The following LGI2 variants were observed in gnomAD, a reference collection of about 807,000 sequenced individuals.
The protein encoded by LGI2 is leucine rich repeat LGI family member 2.
A neutral mutation model predicts 52.0 loss-of-function variants in LGI2; 30 were observed. The ratio of observed to expected loss-of-function variants is 0.58; its 90% CI spans 0.43 to 0.78. The LOEUF is 0.78. Ranked by LOEUF, LGI2 falls within the 30% of genes least tolerant of loss-of-function variation. LGI2 has a pLI of 0.00. For missense variants in LGI2, 573 were observed against 692.5 expected, an observed-to-expected ratio of 0.83 and a Z score of 1.94; for synonymous variants, 270 against 271.8, an observed-to-expected ratio of 0.99 and a Z score of 0.06.
intron 3 of LGI2, among the ~76,000 whole-genome samples, chr4:25,025,181 G>A (rs1726105734): frequency 6.6e-6 from 1 of 152,150 alleles, no homozygotes; most frequent in African/African-American, 2.4e-5. Context: ...AAAGAAGAAA[G>A]CACTATACAA....
intron 1 of LGI2, among the ~76,000 whole-genome samples, chr4:25,030,011 C>CA (rs1203686695): frequency 6.6e-6 from 1 of 152,192 alleles, no homozygotes; most frequent in African/African-American, 2.4e-5. Context: ...AGTGAGGCCT[C>CA]ACCCTGCCCA....
downstream of LGI2, among the ~76,000 whole-genome samples, chr4:24,996,137 A>G (rs969528982): frequency 6.6e-6 from 1 of 152,170 alleles, no homozygotes; most frequent in African/African-American, 2.4e-5. Flanking sequence ...TAGTATGACT[A>G]TTTGGTTTGG....
At chr4:25,020,118 C>T (rs1725909305) in intron 4 of LGI2, among the ~76,000 whole-genome samples, 2 of 152,216 alleles carry the variant, frequency 1.3e-5, no homozygotes, top group Non-Finnish European at 2.9e-5. Context: ...TACTCCTTTA[C>T]ATAAAGAGAC....
At chr4:24,994,912 A>C (rs950471583), downstream of LGI2, among the ~76,000 whole-genome samples, 13 of 152,318 alleles carry the variant, frequency 8.5e-5, no homozygotes, top group African/African-American at 3.1e-4. Flanking sequence ...GCAGCTTAGG[A>C]GACCTTATTG....
chr4:25,030,398 G>A lies in LGI2; in HGVS notation c.197+99C>T, dbSNP rs575964010. 2,690 of 1,313,692 alleles carry A rather than the reference G, an allele frequency of 2.0e-3. 5 individuals carry two copies. The highest frequency in any genetic ancestry group is 2.5e-3 in the Non-Finnish European group (2,346 of 949,888). The allele number at this position is 1,313,692 out of a possible 1,614,324, so 81.4% of individuals were successfully genotyped here. A position where few individuals can be genotyped will look rare whatever the true frequency, so the allele number is the denominator to read the frequency against. ...AGGCAAAGAAGGGGCCTGGGGAGTGGGTCAGGGTCGCGCTGGCCCGGCGCC... is the reference window on the plus strand; with the variant it reads ...AGGCAAAGAAGGGGCCTGGGGAGTGAGTCAGGGTCGCGCTGGCCCGGCGCC... On this transcript the variant is annotated intron_variant, in intron 1 of 7. Coordinates refer to ENST00000382114, the MANE Select transcript of LGI2 (RefSeq NM_018176.4).
At position 25,001,815 on chromosome 4, in the gene LGI2, G is replaced by A. The variant is rs1433815863; in HGVS notation, c.*1636C>T. On this transcript the variant is annotated 3_prime_UTR_variant, in exon 8 of 8. Coordinates refer to ENST00000382114, the MANE Select transcript of LGI2 (RefSeq NM_018176.4). ...ATTGTCTCAATCTTCATTGCTTAAAGTCAGGAAACAACAAACACATTCATA... is the reference window on the plus strand; with the variant it reads ...ATTGTCTCAATCTTCATTGCTTAAAATCAGGAAACAACAAACACATTCATA... 1 of 115,308 alleles carries A rather than the reference G, an allele frequency of 8.7e-6. No individual in the cohort carries two copies. The highest frequency in any genetic ancestry group is 1.8e-5 in the Non-Finnish European group (1 of 55,738). The allele number at this position is 115,308 out of a possible 1,614,324, so 7.1% of individuals were successfully genotyped here. A position where few individuals can be genotyped will look rare whatever the true frequency, so the allele number is the denominator to read the frequency against.
At chr4:25,016,563 A>G (rs1315417525) in intron 6 of LGI2, among the ~76,000 whole-genome samples, 1 of 152,336 alleles carries the variant, frequency 6.6e-6, no homozygotes, top group South Asian at 2.1e-4. Flanking sequence ...GCACCTGTCA[A>G]TTACACAGCT....
At chr4:25,011,480 C>G (rs1725585333) in intron 7 of LGI2, among the ~76,000 whole-genome samples, 1 of 152,062 alleles carries the variant, frequency 6.6e-6, no homozygotes, top group Admixed American at 6.5e-5. Context: ...GCTCTCCCTG[C>G]CTCCCCACAT....
chr4:25,030,247 A>T (rs1560296729), intron 1 of LGI2, among the ~76,000 whole-genome samples: 1 of 152,234 alleles, frequency 6.6e-6, no homozygotes, highest in Non-Finnish European at 1.5e-5. Flanking sequence ...AGTCTGATGC[A>T]GGTGGCCCGT....
chr4:25,011,387 G>T (rs542232933), intron 7 of LGI2, among the ~76,000 whole-genome samples: 3 of 152,226 alleles, frequency 2.0e-5, no homozygotes, highest in Admixed American at 1.3e-4. Flanking sequence ...CCCGACGGTG[G>T]CCAGCTCATC....
At chr4:25,021,863 T>A (rs4386590) in intron 4 of LGI2, among the ~76,000 whole-genome samples, 116,224 of 149,672 alleles carry the variant, frequency 0.78, 45,872 homozygotes, top group East Asian at 0.98. Context: ...CTCGCAAGGC[T>A]GAGGTTGCAG....
At chr4:24,994,094 G>A (rs561873779), downstream of LGI2, among the ~76,000 whole-genome samples, 1 of 152,240 alleles carries the variant, frequency 6.6e-6, no homozygotes, top group South Asian at 2.1e-4. Context: ...GTGAAAAGCT[G>A]ACAAAACAGC....
intron 6 of LGI2, among the ~76,000 whole-genome samples, chr4:25,016,481 CG>C (rs1315321677): frequency 7.2e-5 from 11 of 152,314 alleles, no homozygotes; most frequent in African/African-American, 2.6e-4. Flanking sequence ...TTATCGACTA[CG>C]ACCTCTGATT....
In LGI2 at chr4:25,023,942, TC is replaced by T. The variant is rs1277020497; in HGVS notation, c.413+877del. 2.0e-5 allele frequency among the ~76,000 whole-genome samples: 3 copies of T among 152,234 alleles called. No individual in the cohort carries two copies. In the East Asian group the frequency reaches 5.8e-4, roughly 29 times the overall value. ...TTTCAAATCAATTTCTTTAATTTTATCTCCAGAAAGCTCTTAAAGAAGCAGA... is the reference window on the plus strand; with the variant it reads ...TTTCAAATCAATTTCTTTAATTTTATTCCAGAAAGCTCTTAAAGAAGCAGA... On this transcript the variant is annotated intron_variant, in intron 4 of 7. Transcript: ENST00000382114.
chr4:24,995,871 G>A (rs1468538530), downstream of LGI2, among the ~76,000 whole-genome samples: 2 of 152,178 alleles, frequency 1.3e-5, no homozygotes, highest in East Asian at 3.9e-4. Context: ...CATGATTGTT[G>A]GAACATTTAG....
the LGI2 span, among the ~76,000 whole-genome samples, chr4:24,993,207 T>G: frequency 5.9e-4 from 90 of 152,320 alleles, no homozygotes; most frequent in African/African-American, 2.0e-3. Context: ...GATTATTGTT[T>G]TCTCTGTTTC....
intron 6 of LGI2, among the ~76,000 whole-genome samples, chr4:25,013,290 C>T (rs1299396389): frequency 6.6e-6 from 1 of 152,176 alleles, no homozygotes; most frequent in Admixed American, 6.5e-5. Flanking sequence ...GGCCTTGCTT[C>T]TCAGCCCACT....
intron 6 of LGI2, among the ~76,000 whole-genome samples, chr4:25,014,830 C>CAA (rs60168915): frequency 1.8e-3 from 154 of 85,674 alleles, no homozygotes; most frequent in Non-Finnish European, 2.5e-3. Context: ...GACCTTGTCT[C>CAA]AAAAAAAAAA....
At chr4:25,028,374 C>A in intron 2 of LGI2, 133 bp downstream of exon 2, 1 of 735,280 alleles carries the variant, frequency 1.4e-6, no homozygotes, top group Non-Finnish European at 2.3e-6. Context: ...TAAATTAACA[C>A]CAAGAGGCAG....
Sources: gnomAD v4.1 joint callset for allele counts (sites outside exome capture counted in the v4.1 genomes callset) on GRCh38, gnomAD v4.1.1 for gene constraint, MANE v1.5 for transcripts, NCBI Gene and HGNC (gene_info 2026-07-23, HGNC 2026-07-21) for gene names.